Variants in PGM5 observed in about 807,000 individuals in gnomAD.
PGM5 encodes the protein phosphoglucomutase 5.
PGM5 carries 23 observed loss-of-function variants against 59.2 expected under a neutral mutation model. That is an observed-to-expected ratio of 0.39 (90% CI 0.28 to 0.55). The LOEUF is 0.55. PGM5 is among the 20% of genes least tolerant of loss of function. The pLI is 0.66. For missense variants in PGM5, 574 were observed against 748.3 expected, an observed-to-expected ratio of 0.77 and a Z score of 2.72; for synonymous variants, 214 against 286.0, an observed-to-expected ratio of 0.75 and a Z score of 2.54.
At chr9:68,374,554 G>A (rs1172852769) in intron 1 of PGM5, among the ~76,000 whole-genome samples, 1 of 149,502 alleles carries the variant, frequency 6.7e-6, no homozygotes, top group Non-Finnish European at 1.5e-5. Context: ...AAATTACCAT[G>A]AAACTTAGTG....
intron 6 of PGM5, among the ~76,000 whole-genome samples, chr9:68,455,109 C>G (rs1823753155): frequency 6.6e-6 from 1 of 152,162 alleles, no homozygotes; most frequent in Non-Finnish European, 1.5e-5. Context: ...GAGAGAGCTG[C>G]CTGTGACCTG....
At chr9:68,519,508 G>A (rs1824867352) in intron 10 of PGM5, among the ~76,000 whole-genome samples, 1 of 151,706 alleles carries the variant, frequency 6.6e-6, no homozygotes, top group African/African-American at 2.4e-5. Flanking sequence ...AAAATAGAAG[G>A]AAATTACATA....
At chr9:68,447,698 A>G (rs1554684094) in intron 6 of PGM5, among the ~76,000 whole-genome samples, 1 of 152,074 alleles carries the variant, frequency 6.6e-6, no homozygotes, top group Admixed American at 6.5e-5. Flanking sequence ...ATTTCAATCC[A>G]GCACGCTTTT....
intron 7 of PGM5, among the ~76,000 whole-genome samples, chr9:68,471,107 G>A (rs559283478): frequency 1.3e-5 from 2 of 152,302 alleles, no homozygotes; most frequent in African/African-American, 4.8e-5. Context: ...AATGAAAAGT[G>A]GTAAGAGGGA....
intron 8 of PGM5, among the ~76,000 whole-genome samples, chr9:68,480,530 C>T (rs1824179478): frequency 6.6e-6 from 1 of 152,052 alleles, no homozygotes; most frequent in Non-Finnish European, 1.5e-5. Flanking sequence ...CATGGTGAAA[C>T]TCTGTCTCTA....
intron 7 of PGM5, among the ~76,000 whole-genome samples, chr9:68,473,222 T>C (rs1400322764): frequency 6.6e-6 from 1 of 152,210 alleles, no homozygotes; most frequent in African/African-American, 2.4e-5. Flanking sequence ...AATCTTTATC[T>C]TGAGTAGCTG....
chr9:68,370,974 A>G (rs1821690583), intron 1 of PGM5, among the ~76,000 whole-genome samples: 2 of 152,098 alleles, frequency 1.3e-5, no homozygotes, highest in East Asian at 1.9e-4. Context: ...ATGTGTCTGC[A>G]GGGGTCTGTG....
intron 1 of PGM5, among the ~76,000 whole-genome samples, chr9:68,362,290 G>A (rs1554676328): frequency 6.6e-6 from 1 of 152,104 alleles, no homozygotes; most frequent in African/African-American, 2.4e-5. Context: ...TACCTCCACA[G>A]GTGACAAATG....
intron 9 of PGM5, among the ~76,000 whole-genome samples, chr9:68,495,027 C>T (rs1348264316): frequency 6.6e-6 from 1 of 152,084 alleles, no homozygotes; most frequent in Non-Finnish European, 1.5e-5. Context: ...CTACAGTGTG[C>T]CAGGCATTGT....
intron 10 of PGM5, among the ~76,000 whole-genome samples, chr9:68,518,736 C>G (rs1312527699): frequency 6.6e-6 from 1 of 152,170 alleles, no homozygotes; most frequent in African/African-American, 2.4e-5. Context: ...TATAAGATTG[C>G]TGCCTTTGGA....
At chr9:68,418,385 T>A (rs1346624792) in intron 6 of PGM5, among the ~76,000 whole-genome samples, 2 of 152,170 alleles carry the variant, frequency 1.3e-5, no homozygotes, top group African/African-American at 4.8e-5. Context: ...AACCTGACTC[T>A]GTTCCTGCGC....
At chr9:68,442,675 G>A (rs574057368) in intron 6 of PGM5, among the ~76,000 whole-genome samples, 2 of 152,214 alleles carry the variant, frequency 1.3e-5, no homozygotes, top group South Asian at 4.1e-4. Context: ...CAATTCATAT[G>A]AGAAGGTATA....
chr9:68,443,627 A>G (rs1162116584), intron 6 of PGM5, among the ~76,000 whole-genome samples: 5 of 152,212 alleles, frequency 3.3e-5, no homozygotes, highest in Non-Finnish European at 7.3e-5. Context: ...CTCCTCCAAA[A>G]AGTTAGAACT....
intron 10 of PGM5, among the ~76,000 whole-genome samples, chr9:68,508,718 G>A (rs181194286): frequency 1.3e-5 from 2 of 152,316 alleles, no homozygotes; most frequent in African/African-American, 4.8e-5. Context: ...TTGCCAGATG[G>A]ATGGGTTTGA....
At chr9:68,441,797 GA>G (rs1213868957) in intron 6 of PGM5, among the ~76,000 whole-genome samples, 1 of 151,192 alleles carries the variant, frequency 6.6e-6, no homozygotes. Flanking sequence ...GGGTGAAAAG[GA>G]AAAAAAATAT....
At chr9:68,477,072 A>G (rs1046134418) in intron 7 of PGM5, among the ~76,000 whole-genome samples, 2 of 152,182 alleles carry the variant, frequency 1.3e-5, no homozygotes, top group Admixed American at 1.3e-4. Flanking sequence ...GCAGTTGGCC[A>G]TGGAGCTAAC....
chr9:68,420,585 A>G (rs12350942), intron 6 of PGM5, among the ~76,000 whole-genome samples: 13 of 152,300 alleles, frequency 8.5e-5, no homozygotes, highest in Admixed American at 1.3e-4. Flanking sequence ...AATGGGTTAT[A>G]TGAAGTATAA....
At chr9:68,466,412 G>A (rs1169498667) in intron 7 of PGM5, 1 of 200,886 alleles carries the variant, frequency 5.0e-6, no homozygotes, top group Non-Finnish European at 1.0e-5. Flanking sequence ...TAAACACCCT[G>A]TCTGATAGTT....
rs150761727 is a variant in PGM5 at position 68,374,947 on chromosome 9, T to A, written c.262-3252T>A. ...TTTCTATGAGACAGGAGATGGGTAT[T>A]CTGGCTTGGGGACTCACATGAGGTC... On this transcript the variant is annotated intron_variant, in intron 1 of 10. Transcript: ENST00000396396. 2.0e-3 allele frequency among the ~76,000 whole-genome samples: 298 copies of A among 152,262 alleles called. 1 individual carries two copies. The highest frequency in any genetic ancestry group is 6.6e-3 in the African/African-American group (276 of 41,526).
Sources: allele counts gnomAD v4.1 joint callset (sites outside exome capture counted in the v4.1 genomes callset), GRCh38; gene constraint gnomAD v4.1.1; transcripts MANE v1.5; gene names NCBI Gene and HGNC (gene_info 2026-07-23, HGNC 2026-07-21).